The following TGM5 variants were observed in gnomAD, a reference collection of about 807,000 sequenced individuals.
TGM5 encodes the protein transglutaminase 5, also known as protein-glutamine gamma-glutamyltransferase 5.
Under a neutral mutation model 77.2 loss-of-function variants are expected in TGM5, and 69 were observed. The observed-to-expected ratio is 0.89, with a 90% CI of 0.74 to 1.09. The LOEUF (loss-of-function observed/expected upper bound fraction) is 1.09. Among genes scored for constraint, TGM5 ranks in the 50% least tolerant of loss-of-function variants. TGM5 has a pLI of 0.00. For missense variants in TGM5, 842 were observed against 896.5 expected, an observed-to-expected ratio of 0.94 and a Z score of 0.78; for synonymous variants, 346 against 351.8, an observed-to-expected ratio of 0.98 and a Z score of 0.18.
chr15:43,240,930 G>C lies in TGM5; in HGVS notation c.923C>G (p.Thr308Arg), dbSNP rs751023981. ...VITNFDSGHD[T>R]DGNLIIDEYY... ...CTCATCTATGATCAGGTTTCCATCT[G>C]TATCGTGGCCAGAGTCGAAGTTGGT... The change falls in exon 7 of 13, where the codon ACA (threonine) becomes AGA (arginine). Residue 308 changes from threonine (T) to arginine (R), a missense_variant. Coordinates refer to ENST00000220420, the MANE Select transcript of TGM5 (RefSeq NM_201631.4). The C allele has an allele frequency of 6.2e-6, 10 of 1,614,144 alleles. No homozygotes were observed. The highest frequency in any genetic ancestry group is 1.1e-5 in the South Asian group (1 of 91,082).
chr15:43,250,973 C>T (rs1228327401), intron 6 of TGM5, among the ~76,000 whole-genome samples: 6 of 152,334 alleles, frequency 3.9e-5, no homozygotes, highest in East Asian at 3.9e-4. Flanking sequence ...TCTCTCATCA[C>T]GCAGTTCCAG....
intron 9 of TGM5, among the ~76,000 whole-genome samples, chr15:43,236,546 G>A (rs2042591701): frequency 6.6e-6 from 1 of 152,172 alleles, no homozygotes; most frequent in Non-Finnish European, 1.5e-5. Flanking sequence ...CCAGGGACCA[G>A]CTCTACCCCT....
In TGM5 at chr15:43,243,675, C is replaced by T. The variant is rs544462255; in HGVS notation, c.863-2685G>A. On this transcript the variant is annotated intron_variant, in intron 6 of 12. Coordinates refer to ENST00000220420, the MANE Select transcript of TGM5 (RefSeq NM_201631.4). ...TTCTGTCCTCCCACAAAGAGCTCATCCCGACTATGGCTTTCTCTCCCACTT... is the reference window on the plus strand; with the variant it reads ...TTCTGTCCTCCCACAAAGAGCTCATTCCGACTATGGCTTTCTCTCCCACTT... 9.2e-5 allele frequency among the ~76,000 whole-genome samples: 14 copies of T among 152,304 alleles called. No homozygotes were observed. In the South Asian group the frequency reaches 2.7e-3, roughly 29 times the overall value.
At chr15:43,262,343 G>A (rs1410214980) in intron 1 of TGM5, among the ~76,000 whole-genome samples, 1 of 152,104 alleles carries the variant, frequency 6.6e-6, no homozygotes, top group Admixed American at 6.5e-5. Flanking sequence ...CTACTTTTTT[G>A]TCTGTCTTTT....
chr15:43,233,076 T>C lies in TGM5; in HGVS notation c.*115A>G. On this transcript the variant is annotated 3_prime_UTR_variant, in exon 13 of 13. Transcript: ENST00000220420. Reference sequence around the variant, plus strand: ...ATGAACACGTCATCCCCTCTGTGGCTCTTGCTGGAGCCCTGTGAAGCCTCT... The same window carrying C: ...ATGAACACGTCATCCCCTCTGTGGCCCTTGCTGGAGCCCTGTGAAGCCTCT... 7.6e-7 allele frequency: 1 copy of C among 1,314,590 alleles called. No homozygotes were observed. The highest frequency in any genetic ancestry group is 1.1e-6 in the Non-Finnish European group (1 of 940,136). 81.4% of individuals were successfully genotyped at this position (1,314,590 alleles called of 1,614,324 possible). A position where few individuals can be genotyped will look rare whatever the true frequency, so the allele number is the denominator to read the frequency against.
chr15:43,251,342 C>T (rs1389816041), intron 6 of TGM5, among the ~76,000 whole-genome samples: 3 of 151,352 alleles, frequency 2.0e-5, no homozygotes, highest in Non-Finnish European at 4.4e-5. Flanking sequence ...AACACCTCCT[C>T]GTGCCCTTGG....
chr15:43,260,120 G>A lies in TGM5; in HGVS notation c.368C>T (p.Ser123Phe), dbSNP rs909728781. 2.5e-6 allele frequency: 4 copies of A among 1,614,184 alleles called. No homozygotes were observed. The highest frequency in any genetic ancestry group is 1.1e-5 in the South Asian group (1 of 91,080). ...GRYLLKIHID[S>F]FQGSVTAYQL... The stretch of plus-strand genomic sequence containing the variant: ...GTAGGCCGTCACAGACCCCTGGAAG[G>A]AGTCGATGTGGATTTTCAAGAGGTA... The change falls in exon 3 of 13, where the codon TCC becomes TTC. Residue 123 changes from serine (S) to phenylalanine (F), a missense_variant. Around this residue, in one of 2 missense-constraint regions of TGM5, gnomAD observed 815 missense variants for 844.6 expected, o/e 0.96. Coordinates refer to ENST00000220420, the MANE Select transcript of TGM5 (RefSeq NM_201631.4).
chr15:43,256,754 C>T, intron 3 of TGM5, 68 bp from the exon 4 acceptor site: 1 of 1,161,880 alleles, frequency 8.6e-7, no homozygotes, highest in Non-Finnish European at 1.3e-6. Context: ...ATTCTCATCC[C>T]CACAGTCCCA....
Position 43,238,892 on chromosome 15 carries a change from C to T in TGM5, c.1270G>A (p.Gly424Ser). The change falls in exon 9 of 13, where the codon GGC becomes AGC. Residue 424 changes from glycine (G) to serine (S), a missense_variant. Around this residue, in one of 2 missense-constraint regions of TGM5, gnomAD observed 815 missense variants for 844.6 expected, o/e 0.96. Coordinates refer to ENST00000220420, the MANE Select transcript of TGM5 (RefSeq NM_201631.4). ...QKLHQDTSSV[G>S]NFISTKSIQS... is the part of the protein sequence containing the mutation. ...ATGCTCTTTGTGCTGATAAAATTGC[C>T]AACAGAACTCGTGTCCTGGTGAAGC... The T allele has an allele frequency of 6.2e-7, 1 of 1,614,230 alleles. No individual in the cohort carries two copies. Among genetic ancestry groups the T allele is most frequent in the South Asian group, 1.1e-5 (1 of 91,088 alleles).
Position 43,256,700 on chromosome 15 carries a change from T to C in TGM5, c.437-14A>G, listed in dbSNP as rs778464963. ...AGACAGCATCCTCTAGGAACCAGAG[T>C]GGGAGGGCACGAAGCAGAAAAGTCA... is the stretch of plus-strand genomic sequence containing the variant. On this transcript the variant is annotated splice_polypyrimidine_tract_variant and intron_variant, in intron 3 of 12. Transcript: ENST00000220420. 1.9e-5 allele frequency: 30 copies of C among 1,575,694 alleles called. No individual in the cohort carries two copies. Among genetic ancestry groups the C allele is most frequent in the Non-Finnish European group, 2.6e-5 (30 of 1,145,992 alleles).
At chr15:43,241,511 A>C (rs547387412) in intron 6 of TGM5, among the ~76,000 whole-genome samples, 1 of 152,302 alleles carries the variant, frequency 6.6e-6, no homozygotes, top group African/African-American at 2.4e-5. Context: ...TTAAGCCAAG[A>C]GGAAAGAAAA....
chr15:43,253,439 C>G, intron 5 of TGM5, 67 bp downstream of exon 5: 1 of 1,599,110 alleles, frequency 6.3e-7, no homozygotes. Context: ...CTGCAGGGGG[C>G]AACTGTGAGT....
chr15:43,264,003 G>C (rs1197186570), intron 1 of TGM5, among the ~76,000 whole-genome samples: 1 of 152,148 alleles, frequency 6.6e-6, no homozygotes, highest in Non-Finnish European at 1.5e-5. Flanking sequence ...ATGGGCAACT[G>C]ACCTGAATAC....
At chr15:43,255,734 C>A (rs936099851) in intron 4 of TGM5, among the ~76,000 whole-genome samples, 2 of 152,130 alleles carry the variant, frequency 1.3e-5, no homozygotes, top group African/African-American at 4.8e-5. Flanking sequence ...GGCACTGGGG[C>A]TCAGCATCAA....
rs576764793 is a variant in TGM5 at position 43,252,980 on chromosome 15, C to T, written c.685-44G>A. 3.9e-4 allele frequency: 629 copies of T among 1,600,856 alleles called. 8 individuals carry two copies. In the South Asian group the frequency reaches 6.4e-3, roughly 16 times the overall value. ...GAGAAGTGTTAGAAACATCCATTTC[C>T]TCAACATGCCATGTGTGGGCTGCCT... On this transcript the variant is annotated intron_variant, in intron 5 of 12. Transcript: ENST00000220420.
intron 6 of TGM5, among the ~76,000 whole-genome samples, chr15:43,247,486 G>C (rs1566832310): frequency 6.6e-6 from 1 of 151,422 alleles, no homozygotes; most frequent in African/African-American, 2.4e-5. Context: ...ATCTAAAATA[G>C]AAGTTGAAAT....
rs1244791298 is a variant in TGM5 at position 43,239,046 on chromosome 15, G to A, written c.1116C>T (p.Cys372=). ...TGGCTCTGACAGAGGCAGGGCCACA[G>A]CAGTAGACGCCTGAAGGAGAACAGG... ...TPQEMSNGVY[C]CGPASVRAIK... Residue 372 remains cysteine, a synonymous_variant, in exon 9 of 13, where the codon TGC becomes TGT. Transcript: ENST00000220420. The A allele has an allele frequency of 6.2e-7, 1 of 1,614,090 alleles. No individual in the cohort carries two copies. Among genetic ancestry groups the A allele is most frequent in the East Asian group, 2.2e-5 (1 of 44,854 alleles).
At chr15:43,233,732 A>G (rs375448890) in intron 11 of TGM5, 45 bp from the exon 12 acceptor site, 6 of 1,609,976 alleles carry the variant, frequency 3.7e-6, no homozygotes, top group Non-Finnish European at 5.1e-6. Flanking sequence ...TCATTCCCCA[A>G]CTCACCAGAT....
Position 43,266,889 on chromosome 15 carries a change from A to C in TGM5, c.-40T>G. ...GTTCCTGGGATGCTCCCCACAGAACAGCTGGGCGGTCTGGAGCTTCAGCAA... is the reference window on the plus strand; with the variant it reads ...GTTCCTGGGATGCTCCCCACAGAACCGCTGGGCGGTCTGGAGCTTCAGCAA... On this transcript the variant is annotated 5_prime_UTR_variant, in exon 1 of 13. Coordinates refer to ENST00000220420, the MANE Select transcript of TGM5 (RefSeq NM_201631.4). The C allele has an allele frequency of 6.2e-7, 1 of 1,613,746 alleles. No individual in the cohort carries two copies. The highest frequency in any genetic ancestry group is 1.3e-5 in the African/African-American group (1 of 75,042).
Sources: allele counts gnomAD v4.1 joint callset (sites outside exome capture counted in the v4.1 genomes callset), GRCh38; gene constraint gnomAD v4.1.1; regional missense constraint gnomAD v4.1.1; transcripts MANE v1.5; gene names NCBI Gene and HGNC (gene_info 2026-07-23, HGNC 2026-07-21).